SULT1E1: variants seen among roughly 807,000 people sequenced by gnomAD.
SULT1E1 encodes the protein sulfotransferase family 1E member 1.
In SULT1E1, 36 loss-of-function variants were observed where a neutral mutation model predicts 33.6. The observed-to-expected ratio is 1.07, with a 90% confidence interval of 0.82 to 1.41. The LOEUF (loss-of-function observed/expected upper bound fraction) is 1.41. Among genes scored for constraint, SULT1E1 ranks in the 40% most tolerant of loss-of-function variants. The pLI is 0.00. For missense variants in SULT1E1, 371 were observed against 345.7 expected, an observed-to-expected ratio of 1.07 and a Z score of -0.58; for synonymous variants, 121 against 111.7, an observed-to-expected ratio of 1.08 and a Z score of -0.53.
the SULT1E1 span, among the ~76,000 whole-genome samples, chr4:69,831,108 T>C: frequency 6.6e-6 from 1 of 152,196 alleles, no homozygotes; most frequent in African/African-American, 2.4e-5. Context: ...ATTTAACTCC[T>C]TGTGGGCAGC....
rs1393297085 is a variant in SULT1E1, at chr4:69,841,804, G to A, written c.*190C>T. 1 of 417,194 alleles carries A rather than the reference G, an allele frequency of 2.4e-6. No individual in the cohort carries two copies. The highest frequency in any genetic ancestry group is 4.7e-5 in the Admixed American group (1 of 21,454). 25.8% of individuals were successfully genotyped at this position (417,194 alleles called of 1,614,324 possible). A position where few individuals can be genotyped will look rare whatever the true frequency, so the allele number is the denominator to read the frequency against. On this transcript the variant is annotated 3_prime_UTR_variant, in exon 8 of 8. Transcript: ENST00000226444. Reference sequence around the variant, plus strand: ...TGCAATCAGCCATGATTGTGCCACTGTCCTCCAGCCTAGGCAACAGAGTGA... The same window carrying A: ...TGCAATCAGCCATGATTGTGCCACTATCCTCCAGCCTAGGCAACAGAGTGA...
chr4:69,825,270 C>A, the SULT1E1 span, among the ~76,000 whole-genome samples: 1 of 152,138 alleles, frequency 6.6e-6, no homozygotes, highest in Non-Finnish European at 1.5e-5. Context: ...AAATTCCGGG[C>A]ACATCTGAAC....
chr4:69,825,418 G>C, the SULT1E1 span, among the ~76,000 whole-genome samples: 2 of 152,128 alleles, frequency 1.3e-5, no homozygotes, highest in Admixed American at 1.3e-4. Flanking sequence ...ACCGTGAAGG[G>C]ACAATCACCA....
the SULT1E1 span, among the ~76,000 whole-genome samples, chr4:69,834,164 C>T: frequency 6.6e-6 from 1 of 152,148 alleles, no homozygotes; most frequent in Non-Finnish European, 1.5e-5. Flanking sequence ...TCTGATAATG[C>T]TACACTTTCT....
chr4:69,838,899 C>T (rs564074647), downstream of SULT1E1, among the ~76,000 whole-genome samples: 7 of 152,272 alleles, frequency 4.6e-5, no homozygotes, highest in South Asian at 4.1e-4. Flanking sequence ...AGGAATGGCA[C>T]GGGGAACTAT....
intron 6 of SULT1E1, among the ~76,000 whole-genome samples, chr4:69,846,435 A>G (rs959902416): frequency 6.6e-6 from 1 of 150,920 alleles, no homozygotes. Flanking sequence ...TACCTAGCTG[A>G]TGTGTATATT....
chr4:69,842,702 C>T (rs181470390), intron 7 of SULT1E1, among the ~76,000 whole-genome samples: 32 of 152,288 alleles, frequency 2.1e-4, no homozygotes, highest in Admixed American at 9.8e-4. Context: ...TATCTACTGC[C>T]TCTTAAACAC....
chr4:69,842,545 T>TA lies in SULT1E1; in HGVS notation c.773-440dup, dbSNP rs780445736. Among the ~76,000 whole-genome samples, 63 of 152,212 alleles carry TA rather than the reference T, an allele frequency of 4.1e-4. 1 individual carries two copies. The highest frequency in any genetic ancestry group is 2.9e-4 in the Non-Finnish European group (20 of 68,026). ...TTTCCAAATACAATTAGTTCAAAAA[T>TA]AAATTCATTTTATTCCTTAGCATAT... On this transcript the variant is annotated intron_variant, in intron 7 of 7. Transcript: ENST00000226444.
the SULT1E1 span, among the ~76,000 whole-genome samples, chr4:69,823,767 G>A: frequency 1.3e-5 from 2 of 152,158 alleles, no homozygotes; most frequent in Non-Finnish European, 2.9e-5. Context: ...CCTTCTCAGA[G>A]CTATTAGCTC....
At chr4:69,821,201 A>G in the SULT1E1 span, among the ~76,000 whole-genome samples, 1 of 152,184 alleles carries the variant, frequency 6.6e-6, no homozygotes, top group African/African-American at 2.4e-5. Flanking sequence ...ATAAATCCCA[A>G]TGTTTATAGA....
chr4:69,844,088 C>T, intron 7 of SULT1E1, 73 bp downstream of exon 7: 2 of 1,394,322 alleles, frequency 1.4e-6, no homozygotes, highest in Non-Finnish European at 2.0e-6. Context: ...TAAAATACCT[C>T]ACTAGATTTT....
the SULT1E1 span, among the ~76,000 whole-genome samples, chr4:69,821,688 G>A: frequency 6.9e-4 from 105 of 152,252 alleles, no homozygotes; most frequent in Admixed American, 9.2e-4. Context: ...CCTAGCATGG[G>A]AACCTCAGGC....
chr4:69,856,105 G>A (rs560815854), intron 2 of SULT1E1, among the ~76,000 whole-genome samples: 1 of 152,292 alleles, frequency 6.6e-6, no homozygotes, highest in Admixed American at 6.5e-5. Context: ...TGGGAGGTAA[G>A]AAACAGTTCT....
At chr4:69,842,641 C>T (rs1469739166) in intron 7 of SULT1E1, among the ~76,000 whole-genome samples, 3 of 152,284 alleles carry the variant, frequency 2.0e-5, no homozygotes, top group Admixed American at 6.5e-5. Flanking sequence ...TAAGCTTGGA[C>T]GTTATTCTCT....
chr4:69,826,728 G>T, the SULT1E1 span, among the ~76,000 whole-genome samples: 5 of 152,112 alleles, frequency 3.3e-5, no homozygotes, highest in Non-Finnish European at 7.4e-5. Flanking sequence ...CCACCTGAGG[G>T]AAGTATAAAT....
At chr4:69,845,150 A>G (rs987298587) in intron 6 of SULT1E1, among the ~76,000 whole-genome samples, 2 of 152,002 alleles carry the variant, frequency 1.3e-5, no homozygotes, top group African/African-American at 4.8e-5. Context: ...TTACTTGTCT[A>G]TCTTACTCAA....
At chr4:69,837,275 T>G (rs1720811116), downstream of SULT1E1, among the ~76,000 whole-genome samples, 1 of 152,172 alleles carries the variant, frequency 6.6e-6, no homozygotes, top group Admixed American at 6.5e-5. Context: ...TAATTTTATG[T>G]TCCATTTTAT....
chr4:69,836,984 G>A (rs1030095495), downstream of SULT1E1, among the ~76,000 whole-genome samples: 3 of 152,278 alleles, frequency 2.0e-5, no homozygotes, highest in Admixed American at 6.5e-5. Flanking sequence ...TTGGGAAGCT[G>A]AGGTGGAAAG....
chr4:69,833,211 TATG>T, the SULT1E1 span, among the ~76,000 whole-genome samples: 2 of 152,186 alleles, frequency 1.3e-5, no homozygotes, highest in South Asian at 2.1e-4. Context: ...AGATGAGGGA[TATG>T]ATACCAGTCA....
Sources: gnomAD v4.1 joint callset for allele counts (sites outside exome capture counted in the v4.1 genomes callset) on GRCh38, gnomAD v4.1.1 for gene constraint, MANE v1.5 for transcripts, NCBI Gene and HGNC (gene_info 2026-07-23, HGNC 2026-07-21) for gene names.